The following NTRK2 variants were observed in gnomAD, a reference collection of about 807,000 sequenced individuals.
NTRK2 encodes the protein BDNF/NT-3 growth factors receptor.
NTRK2 carries 13 observed loss-of-function variants against 94.5 expected under a neutral mutation model. The observed-to-expected ratio is 0.14, with a 90% confidence interval of 0.09 to 0.22. NTRK2 has a LOEUF of 0.22. NTRK2 is among the 10% of genes least tolerant of loss of function. The pLI is 1.00. For synonymous variants in NTRK2, 372 were observed against 407.4 expected, an observed-to-expected ratio of 0.91 and a Z score of 1.05; for missense variants, 639 against 1,071.2, an observed-to-expected ratio of 0.60 and a Z score of 5.63.
At chr9:84,943,506 C>T (rs542227642) in intron 15 of NTRK2, among the ~76,000 whole-genome samples, 35 of 152,246 alleles carry the variant, frequency 2.3e-4, no homozygotes, top group African/African-American at 7.9e-4. Context: ...TTAAGAGTAT[C>T]TTCAGAAAAG....
chr9:84,961,444 C>A (rs951956889), intron 17 of NTRK2, among the ~76,000 whole-genome samples: 2 of 152,184 alleles, frequency 1.3e-5, no homozygotes, highest in African/African-American at 4.8e-5. Flanking sequence ...TTCAGAGGAA[C>A]CCGTCTGCCA....
At chr9:84,835,076 A>G (rs112243407) in intron 12 of NTRK2, among the ~76,000 whole-genome samples, 15 of 152,280 alleles carry the variant, frequency 9.9e-5, no homozygotes, top group African/African-American at 3.6e-4. Context: ...CTGCCTACCC[A>G]TGCCTTCTAG....
rs142503000 is a variant in NTRK2, at chr9:84,683,640, G to A, written c.212+12680G>A. Among the ~76,000 whole-genome samples the A allele has an allele frequency of 8.1e-3, 1,234 of 152,178 alleles. 21 individuals are homozygous for A. Among genetic ancestry groups the A allele is most frequent in the African/African-American group, 0.028 (1,167 of 41,506 alleles). On this transcript the variant is annotated intron_variant, in intron 2 of 18. Coordinates refer to ENST00000277120, the MANE Select transcript of NTRK2 (RefSeq NM_006180.6). ...AGTCTTTGCTATTGTAAATAGTGCC[G>A]CAATAAATATATGTGTGCATGTGTC...
intron 2 of NTRK2, among the ~76,000 whole-genome samples, chr9:84,672,630 A>G (rs530020549): frequency 1.3e-5 from 2 of 152,270 alleles, no homozygotes; most frequent in South Asian, 4.1e-4. Context: ...GTTTTAGGTG[A>G]TAGATGCATA....
At chr9:84,939,042 A>T (rs544549899) in intron 15 of NTRK2, among the ~76,000 whole-genome samples, 2 of 103,046 alleles carry the variant, frequency 1.9e-5, no homozygotes, top group African/African-American at 9.4e-5. Context: ...ACAGAGTGAG[A>T]CCCCAACTCA....
chr9:84,720,758 G>T (rs1452009903), intron 6 of NTRK2, among the ~76,000 whole-genome samples: 1 of 152,024 alleles, frequency 6.6e-6, no homozygotes, highest in African/African-American at 2.4e-5. Flanking sequence ...AATCGTAAGA[G>T]ACATTGCATC....
At chr9:84,894,158 CTATT>C (rs772512832) in intron 14 of NTRK2, among the ~76,000 whole-genome samples, 129,931 of 150,014 alleles carry the variant, frequency 0.87, 56,491 homozygotes, top group African/African-American at 0.94. Context: ...TGTTACTTGA[CTATT>C]TGGGAGAATA....
At chr9:84,963,135 C>A (rs982147390) in intron 17 of NTRK2, among the ~76,000 whole-genome samples, 2 of 152,230 alleles carry the variant, frequency 1.3e-5, no homozygotes, top group African/African-American at 4.8e-5. Context: ...GGTTGCTGCA[C>A]AGAGCAGATT....
intron 14 of NTRK2, among the ~76,000 whole-genome samples, chr9:84,879,242 A>T (rs2076183759): frequency 6.6e-6 from 1 of 152,086 alleles, no homozygotes; most frequent in Non-Finnish European, 1.5e-5. Context: ...AGGAGGGAGG[A>T]TCAGGGGACT....
chr9:84,714,706 G>A (rs2061606550), intron 6 of NTRK2, among the ~76,000 whole-genome samples: 1 of 152,128 alleles, frequency 6.6e-6, no homozygotes, highest in Admixed American at 6.6e-5. Context: ...AAGTCTTCAA[G>A]TCTTGTTTGA....
chr9:84,990,088 A>C (rs917181641), intron 17 of NTRK2, among the ~76,000 whole-genome samples: 1 of 152,182 alleles, frequency 6.6e-6, no homozygotes, highest in African/African-American at 2.4e-5. Flanking sequence ...CTGAGGATTA[A>C]ATTAGATGAA....
chr9:84,735,267 C>T (rs1486020147), intron 9 of NTRK2, among the ~76,000 whole-genome samples: 1 of 152,190 alleles, frequency 6.6e-6, no homozygotes, highest in East Asian at 1.9e-4. Flanking sequence ...TAAAACTTCT[C>T]AGTGAGTTGT....
chr9:84,755,525 CTTTTTTTT>C (rs745611460), intron 12 of NTRK2, among the ~76,000 whole-genome samples: 75 of 60,652 alleles, frequency 1.2e-3, no homozygotes, highest in African/African-American at 4.4e-3. Flanking sequence ...AGTCCCACCT[CTTTTTTTT>C]TTTTTTTTTT....
At chr9:84,697,413 C>G (rs1262896509) in intron 2 of NTRK2, among the ~76,000 whole-genome samples, 1 of 152,124 alleles carries the variant, frequency 6.6e-6, no homozygotes. Flanking sequence ...GGGTGTGTGC[C>G]ACAATTCTGG....
intron 12 of NTRK2, among the ~76,000 whole-genome samples, chr9:84,831,685 A>G (rs1006847332): frequency 6.6e-6 from 1 of 152,226 alleles, no homozygotes; most frequent in African/African-American, 2.4e-5. Context: ...ATGTCACAGC[A>G]AGAATTCAGA....
chr9:84,694,773 C>A (rs1160595558), intron 2 of NTRK2, among the ~76,000 whole-genome samples: 1 of 152,118 alleles, frequency 6.6e-6, no homozygotes, highest in African/African-American at 2.4e-5. Context: ...TTTATCAAAT[C>A]TAATCTATCA....
rs1192788022 is a variant in NTRK2, at chr9:84,738,149, G to C, written c.1160-3743G>C. Among the ~76,000 whole-genome samples the C allele has an allele frequency of 1.3e-5, 2 of 151,462 alleles. 1 individual carries two copies. Among genetic ancestry groups the C allele is most frequent in the Non-Finnish European group, 2.9e-5 (2 of 67,994 alleles). ...CTGTCTCCCAACATGAAGATTTAAG[G>C]CTTGACGCTACTTCTTGCTACCTAA... On this transcript the variant is annotated intron_variant, in intron 9 of 18. Transcript: ENST00000277120.
chr9:84,778,887 C>G (rs912923227), intron 12 of NTRK2, among the ~76,000 whole-genome samples: 4 of 152,198 alleles, frequency 2.6e-5, no homozygotes, highest in Non-Finnish European at 5.9e-5. Flanking sequence ...TCCTCTCCCT[C>G]CTCAATGTTG....
intron 2 of NTRK2, among the ~76,000 whole-genome samples, chr9:84,678,713 GAAACA>G (rs112666513): frequency 2.0e-5 from 3 of 151,998 alleles, no homozygotes; most frequent in African/African-American, 4.8e-5. Context: ...CAACTATGGT[GAAACA>G]AAACAAAACA....
Sources: allele counts gnomAD v4.1 joint callset (sites outside exome capture counted in the v4.1 genomes callset), GRCh38; gene constraint gnomAD v4.1.1; transcripts MANE v1.5; gene names NCBI Gene and HGNC (gene_info 2026-07-23, HGNC 2026-07-21).